Variants in DMPK observed in about 807,000 individuals in gnomAD.
The protein encoded by DMPK is DM1 protein kinase.
DMPK carries 32 observed loss-of-function variants against 70.3 expected under a neutral mutation model. The observed-to-expected ratio is 0.46, with a 90% confidence interval of 0.34 to 0.61. The LOEUF (loss-of-function observed/expected upper bound fraction) is 0.61. Ranked by LOEUF, DMPK falls within the 20% of genes least tolerant of loss-of-function variation. The probability of loss-of-function intolerance (pLI) is 0.01; values close to 1 mark genes in which losing one functional copy is unlikely to be tolerated. For synonymous variants in DMPK, 469 were observed against 390.9 expected (o/e 1.20, Z -2.36); for missense variants, 899 against 886.0 (o/e 1.01, Z -0.19).
chr19:45,770,299 C>G lies in DMPK; in HGVS notation c.*189G>C, dbSNP rs1969301067. ...CTACAAGGACCCTTCGAGCCCCGTT[C>G]GCCGGCCGCGGACCCGGCCCCTCCC... is the stretch of plus-strand genomic sequence containing the variant. On this transcript the variant is annotated 3_prime_UTR_variant, in exon 15 of 15. Transcript: ENST00000291270. 1 of 806,144 alleles carries G rather than the reference C, an allele frequency of 1.2e-6. No individual in the cohort carries two copies. Among genetic ancestry groups the G allele is most frequent in the Non-Finnish European group, 2.0e-6 (1 of 506,834 alleles). 49.9% of individuals were successfully genotyped at this position (806,144 alleles called of 1,614,324 possible). A position where few individuals can be genotyped will look rare whatever the true frequency, so the allele number is the denominator to read the frequency against.
rs1431862356 is a variant in DMPK, at chr19:45,770,087, G to A, written c.*401C>T. ...CACTTTGCGAACCAACGATAGGTGG[G>A]GGTGCGTGGAGGATGGAACACGGAC... On this transcript the variant is annotated 3_prime_UTR_variant, in exon 15 of 15. Transcript: ENST00000291270. 1.9e-6 allele frequency: 1 copy of A among 538,270 alleles called. No individual in the cohort carries two copies. The highest frequency in any genetic ancestry group is 3.4e-6 in the Non-Finnish European group (1 of 292,406). 33.3% of individuals were successfully genotyped at this position (538,270 alleles called of 1,614,324 possible).
intron 8 of DMPK, chr19:45,776,670 G>A (rs1465118200): frequency 2.6e-5 from 4 of 152,562 alleles, no homozygotes; most frequent in Non-Finnish European, 5.8e-5. Context: ...ACATTGCCCA[G>A]GCTGGTCTCG....
chr19:45,774,379 C>CA (rs1206307445), intron 9 of DMPK, among the ~76,000 whole-genome samples: 3 of 150,728 alleles, frequency 2.0e-5, no homozygotes, highest in East Asian at 3.9e-4. Context: ...TCTCCTGCCT[C>CA]GCCTCCCAAG....
At position 45,770,447 on chromosome 19, in the gene DMPK, G is replaced by A. The variant is rs939430766; in HGVS notation, c.*41C>T. 9 of 1,548,218 alleles carry A rather than the reference G, an allele frequency of 5.8e-6. No individual in the cohort carries two copies. In the East Asian group the frequency reaches 7.3e-5, roughly 13 times the overall value. ...TTCTGTGCCGTGCCCCGGGCACTCAGTCTTCCAACGGGGCCCCGGAGTCGA... is the reference window on the plus strand; with the variant it reads ...TTCTGTGCCGTGCCCCGGGCACTCAATCTTCCAACGGGGCCCCGGAGTCGA... On this transcript the variant is annotated 3_prime_UTR_variant, in exon 15 of 15. Transcript: ENST00000291270.
chr19:45,782,367 AC>A lies in DMPK; in HGVS notation c.-16del. ...TCGGCTGACATGTTGGACAGGCAGC[AC>A]CATGGCCCCTCCCCGGGCCGGGGGC... On this transcript the variant is annotated 5_prime_UTR_variant, in exon 1 of 15. Transcript: ENST00000291270. The A allele has an allele frequency of 6.5e-7, 1 of 1,549,808 alleles. No homozygotes were observed. The highest frequency in any genetic ancestry group is 8.7e-7 in the Non-Finnish European group (1 of 1,147,436).
At position 45,777,441 on chromosome 19, in the gene DMPK, C is replaced by T; in HGVS notation, c.1032G>A (p.Trp344Ter). The T allele has an allele frequency of 6.2e-7, 1 of 1,613,462 alleles. No homozygotes were observed. The highest frequency in any genetic ancestry group is 8.5e-7 in the Non-Finnish European group (1 of 1,180,018). Reference sequence around the variant, plus strand: ...GGGGCACGCTGTCCCGGAGACCATCCCAGTCGAGGCCAAAGAAGAAGGGAT... The same window carrying T: ...GGGGCACGCTGTCCCGGAGACCATCTCAGTCGAGGCCAAAGAAGAAGGGAT... ...RTHPFFFGLDWDGLRDSVPPF... is the reference protein window; with the variant it reads ...RTHPFFFGLD The change falls in exon 8 of 15, where the codon TGG becomes TGA. Residue 344 changes from tryptophan (W) to a stop codon, truncating the protein, a stop_gained. Transcript: ENST00000291270. LOFTEE classifies it high-confidence loss of function. The surrounding 1 kb of genome is among the most constrained non-coding windows in gnomAD (Gnocchi z 6.7).
intron 14 of DMPK, 58 bp downstream of exon 14, chr19:45,770,913 A>C (rs635299): frequency 0.48 from 603,187 of 1,256,726 alleles, 148,119 homozygotes; most frequent in East Asian, 0.67. Flanking sequence ...GCGGGTGGCA[A>C]GGGGCGGGTG....
At chr19:45,771,700 C>A (rs1056201870) in intron 11 of DMPK, 35 bp from the exon 12 acceptor site, 1 of 1,612,784 alleles carries the variant, frequency 6.2e-7, no homozygotes, top group South Asian at 1.1e-5. Context: ...TCCGTCCGGG[C>A]CGGACGAGAG....
Position 45,777,893 on chromosome 19 carries a change from G to T in DMPK, c.676-20C>A. 1 of 1,593,256 alleles carries T rather than the reference G, an allele frequency of 6.3e-7. No individual in the cohort carries two copies. ...CCGCACCTGGACCAAAAGGAGCAGA[G>T]CGAGGCTTGGGCCCACCCCTCTGGG... On this transcript the variant is annotated intron_variant, in intron 6 of 14. Transcript: ENST00000291270. This position sits in a 1 kb window ranked among gnomAD's most constrained non-coding sequence, Gnocchi z 6.7.
At chr19:45,772,820 C>A in intron 9 of DMPK, 68 bp from the exon 10 acceptor site, 1 of 937,782 alleles carries the variant, frequency 1.1e-6, no homozygotes, top group Non-Finnish European at 1.5e-6. Flanking sequence ...ACCAGAACTT[C>A]TGGCCTGTGG....
chr19:45,778,065 C>G, intron 6 of DMPK, 62 bp downstream of exon 6: 1 of 1,433,898 alleles, frequency 7.0e-7, no homozygotes, highest in Non-Finnish European at 9.7e-7. Flanking sequence ...CGCTCCCACA[C>G]TCTGTGCCTT....
chr19:45,777,257 T>C lies in DMPK; in HGVS notation c.1146+70A>G, dbSNP rs1206991462. The C allele has an allele frequency of 6.8e-7, 1 of 1,480,050 alleles. No individual in the cohort carries two copies. Among genetic ancestry groups the C allele is most frequent in the East Asian group, 2.4e-5 (1 of 41,628 alleles). 91.7% of individuals were successfully genotyped at this position (1,480,050 alleles called of 1,614,324 possible). A position where few individuals can be genotyped will look rare whatever the true frequency, so the allele number is the denominator to read the frequency against. ...TCAGGACCCCAGAAGGTAGGCACTG[T>C]CCTTACTCCAACTTTATGGAGGGAG... is the stretch of plus-strand genomic sequence containing the variant. On this transcript the variant is annotated intron_variant, in intron 8 of 14. Transcript: ENST00000291270. This position sits in a 1 kb window ranked among gnomAD's most constrained non-coding sequence, Gnocchi z 6.7.
chr19:45,780,626 G>C, intron 1 of DMPK: 1 of 1,007,366 alleles, frequency 9.9e-7, no homozygotes, highest in Non-Finnish European at 1.2e-6. Flanking sequence ...GGGACAGGGA[G>C]GCCTGGACTC....
rs756912200 is a variant in DMPK, at chr19:45,780,390, A to C, written c.161-521T>G. On this transcript the variant is annotated intron_variant, in intron 1 of 14. Coordinates refer to ENST00000291270, the MANE Select transcript of DMPK (RefSeq NM_004409.5). Reference sequence around the variant, plus strand: ...AAACCCTGGATTTGGGGCTGGGGGAAGGAACAGGACAGGGAGACAAAGGTA... The same window carrying C: ...AAACCCTGGATTTGGGGCTGGGGGACGGAACAGGACAGGGAGACAAAGGTA... The C allele has an allele frequency of 2.1e-6, 3 of 1,453,390 alleles. No homozygotes were observed. In the African/African-American group the frequency reaches 4.2e-5, roughly 20 times the overall value. 90.0% of individuals were successfully genotyped at this position (1,453,390 alleles called of 1,614,324 possible). A position where few individuals can be genotyped will look rare whatever the true frequency, so the allele number is the denominator to read the frequency against.
At chr19:45,778,828 CAA>C in intron 4 of DMPK, 187 bp from the exon 5 acceptor site, 2 of 573,522 alleles carry the variant, frequency 3.5e-6, no homozygotes, top group South Asian at 2.4e-5. Context: ...CCCCGCCCCT[CAA>C]AAAAAAACAC....
Position 45,775,818 on chromosome 19 carries a change from CT to C in DMPK, c.1147-785del, listed in dbSNP as rs1302500628. ...CAGGCGTGAACCACCTTGCCCAACCCTTTTTTTTTTTTTTTTTTTTGAGACA... is the reference window on the plus strand; with the variant it reads ...CAGGCGTGAACCACCTTGCCCAACCCTTTTTTTTTTTTTTTTTTTGAGACA... On this transcript the variant is annotated intron_variant, in intron 8 of 14. Coordinates refer to ENST00000291270, the MANE Select transcript of DMPK (RefSeq NM_004409.5). Among the ~76,000 whole-genome samples the C allele has an allele frequency of 4.6e-3, 390 of 84,482 alleles. 8 individuals carry two copies. The highest frequency in any genetic ancestry group is 0.014 in the African/African-American group (319 of 22,736). 55.4% of individuals were successfully genotyped at this position (84,482 alleles called of 152,430 possible). A position where few individuals can be genotyped will look rare whatever the true frequency, so the allele number is the denominator to read the frequency against.
Position 45,771,052 on chromosome 19 carries a change from GC to G in DMPK, c.1655del (p.Gly552AlafsTer81). ...RATDPPSHLD[G>X]PPAVAVGQCP... Reference sequence around the variant, plus strand: ...ACTGGCCCACAGCCACGGCCGGGGGGCCATCTAGCTGGAGAGAGAAGGGACA... The same window carrying G: ...ACTGGCCCACAGCCACGGCCGGGGGGCATCTAGCTGGAGAGAGAAGGGACA... On this transcript the variant is annotated frameshift_variant, in exon 14 of 15. Transcript: ENST00000291270. LOFTEE classifies it high-confidence loss of function. The G allele has an allele frequency of 6.6e-7, 1 of 1,520,060 alleles. No individual in the cohort carries two copies. The highest frequency in any genetic ancestry group is 8.8e-7 in the Non-Finnish European group (1 of 1,135,288). The allele number at this position is 1,520,060 out of a possible 1,614,324, so 94.2% of individuals were successfully genotyped here.
rs1410081701 is a variant in DMPK, at chr19:45,779,995, G to A, written c.161-126C>T. 4.5e-6 allele frequency: 7 copies of A among 1,559,526 alleles called. No individual in the cohort carries two copies. In the Admixed American group the frequency reaches 5.8e-5, roughly 13 times the overall value. ...TCTCAGCTTCACCCTAGGACTGTCT[G>A]CTTCCCAGGGGCTTCCCCACATAAA... On this transcript the variant is annotated intron_variant, in intron 1 of 14. Transcript: ENST00000291270.
intron 1 of DMPK, among the ~76,000 whole-genome samples, chr19:45,781,482 G>A (rs1600453016): frequency 1.3e-5 from 2 of 152,166 alleles, no homozygotes; most frequent in Non-Finnish European, 2.9e-5. Context: ...ACCCGGGGTG[G>A]CGGGAATGGT....
Sources: allele counts gnomAD v4.1 joint callset (sites outside exome capture counted in the v4.1 genomes callset), GRCh38; gene constraint gnomAD v4.1.1; non-coding constraint Gnocchi (gnomAD v3.1); transcripts MANE v1.5; gene names NCBI Gene and HGNC (gene_info 2026-07-23, HGNC 2026-07-21).